LYPD6: variants seen among roughly 807,000 people sequenced by gnomAD.
LYPD6 encodes LY6/PLAUR domain containing 6.
A neutral mutation model predicts 22.7 loss-of-function variants in LYPD6; 15 were observed. The ratio of observed to expected loss-of-function variants is 0.66; its 90% CI spans 0.44 to 1.02. The LOEUF is 1.02. Ranked by LOEUF, LYPD6 falls within the 50% of genes least tolerant of loss-of-function variation. The pLI is 0.00. For synonymous variants in LYPD6, 72 were observed against 77.5 expected (o/e 0.93, Z 0.37); for missense variants, 189 against 208.4 (o/e 0.91, Z 0.57).
In LYPD6 at chr2:149,470,764, T is replaced by A. The variant is rs758192165; in HGVS notation, c.430T>A (p.Ser144Thr). 27 of 1,613,714 alleles carry A rather than the reference T, an allele frequency of 1.7e-5. No homozygotes were observed. The Admixed American group carries it at 4.2e-4, about 25-fold the overall frequency. ...AACTGATGCCACATTTGCCACGACG[T>A]CACCTATAAATCAGACAAATGGGCA... Reference protein sequence around the residue: ...NETDATFATTSPINQTNGHPR... With the variant: ...NETDATFATTTPINQTNGHPR... The change falls in exon 5 of 5, where the codon TCA becomes ACA. Residue 144 changes from serine to threonine, a missense_variant. Coordinates refer to ENST00000334166, the MANE Select transcript of LYPD6 (RefSeq NM_194317.5).
chr2:149,435,165 G>A (rs1391435152), intron 1 of LYPD6, among the ~76,000 whole-genome samples: 1 of 152,188 alleles, frequency 6.6e-6, no homozygotes, highest in Non-Finnish European at 1.5e-5. Flanking sequence ...AAGAAGAGAG[G>A]CCTCAGGAGA....
the LYPD6 span, among the ~76,000 whole-genome samples, chr2:149,484,551 A>ACC: frequency 1.4e-4 from 22 of 152,022 alleles, no homozygotes; most frequent in Admixed American, 1.2e-3. Flanking sequence ...CTCCATAGCT[A>ACC]CCCCCGTAGT....
At chr2:149,363,551 G>A (rs1224078932) in intron 1 of LYPD6, among the ~76,000 whole-genome samples, 2 of 152,146 alleles carry the variant, frequency 1.3e-5, no homozygotes, top group East Asian at 3.9e-4. Flanking sequence ...GTGATATGTC[G>A]TGAAGAAAAT....
At chr2:149,458,383 C>T (rs1681014094) in intron 3 of LYPD6, among the ~76,000 whole-genome samples, 1 of 152,138 alleles carries the variant, frequency 6.6e-6, no homozygotes, top group African/African-American at 2.4e-5. Flanking sequence ...CCCTTCACCG[C>T]CACCCATTGG....
At chr2:149,411,127 C>T (rs76756629) in intron 1 of LYPD6, among the ~76,000 whole-genome samples, 44 of 152,270 alleles carry the variant, frequency 2.9e-4, no homozygotes, top group African/African-American at 1.0e-3. Flanking sequence ...AATGTAGTCT[C>T]AAGCTCCATT....
At chr2:149,462,495 A>G (rs756622660) in intron 3 of LYPD6, among the ~76,000 whole-genome samples, 3 of 151,896 alleles carry the variant, frequency 2.0e-5, no homozygotes, top group East Asian at 3.9e-4. Flanking sequence ...ACAGATTGTT[A>G]TATAGGTTTA....
rs187901245 is a variant in LYPD6 at position 149,471,040 on chromosome 2, G to A, written c.*190G>A. ...CATTGTAGCCATTTTGAGTCTAACC[G>A]AGACTCATCAAAGCCTTCTGTCAGT... On this transcript the variant is annotated 3_prime_UTR_variant, in exon 5 of 5. Transcript: ENST00000334166. The A allele has an allele frequency of 1.8e-5, 9 of 502,354 alleles. No individual in the cohort carries two copies. The highest frequency in any genetic ancestry group is 6.5e-5 in the Admixed American group (2 of 30,818). 31.1% of individuals were successfully genotyped at this position (502,354 alleles called of 1,614,324 possible).
chr2:149,421,688 A>G (rs976960296), intron 1 of LYPD6, among the ~76,000 whole-genome samples: 2 of 152,142 alleles, frequency 1.3e-5, no homozygotes, highest in Non-Finnish European at 2.9e-5. Context: ...TGAATATAAT[A>G]TTTATATTTG....
At chr2:149,400,488 G>T (rs541519823) in intron 1 of LYPD6, among the ~76,000 whole-genome samples, 4 of 152,262 alleles carry the variant, frequency 2.6e-5, no homozygotes, top group South Asian at 2.1e-4. Flanking sequence ...CATGAGAGAC[G>T]AACAAGTATT....
intron 1 of LYPD6, among the ~76,000 whole-genome samples, chr2:149,435,432 C>T (rs748712363): frequency 1.3e-5 from 2 of 152,194 alleles, no homozygotes; most frequent in Non-Finnish European, 2.9e-5. Context: ...AGCCCTGCTA[C>T]GTACAGATTG....
rs79967609 is a variant in LYPD6 at position 149,335,093 on chromosome 2, C to G, written c.-72+4371C>G. Among the ~76,000 whole-genome samples the G allele has an allele frequency of 4.2e-3, 632 of 152,190 alleles. 6 individuals are homozygous for G. Among genetic ancestry groups the G allele is most frequent in the African/African-American group, 0.015 (613 of 41,506 alleles). Reference sequence around the variant, plus strand: ...CCTATGTTACTGATTTATGTATTTACTGTTAATGCAATTTATCATTATCTT... The same window carrying G: ...CCTATGTTACTGATTTATGTATTTAGTGTTAATGCAATTTATCATTATCTT... On this transcript the variant is annotated intron_variant, in intron 1 of 4. Coordinates refer to ENST00000334166, the MANE Select transcript of LYPD6 (RefSeq NM_194317.5).
At chr2:149,391,109 C>T (rs1027395995) in intron 1 of LYPD6, among the ~76,000 whole-genome samples, 3 of 152,114 alleles carry the variant, frequency 2.0e-5, no homozygotes, top group African/African-American at 7.2e-5. Context: ...AATTAGTGAC[C>T]TACTATTGGC....
At chr2:149,386,988 C>T (rs1682201981) in intron 1 of LYPD6, among the ~76,000 whole-genome samples, 1 of 152,168 alleles carries the variant, frequency 6.6e-6, no homozygotes, top group Admixed American at 6.5e-5. Context: ...ACTCTGTCCC[C>T]ACCCCCAACA....
In LYPD6 at chr2:149,370,572, G is replaced by A. The variant is rs187901207; in HGVS notation, c.-72+39850G>A. The A allele has an allele frequency of 4.1e-3, 631 of 152,236 alleles. 13 individuals are homozygous for A. The highest frequency in any genetic ancestry group is 0.026 in the Admixed American group (398 of 15,296). 9.4% of individuals were successfully genotyped at this position (152,236 alleles called of 1,614,324 possible). The stretch of plus-strand genomic sequence containing the variant: ...GCAGAGAACAGCCCTCACCAGACAC[G>A]GAATCTGCTGGTGCCCTGATCTTGG... On this transcript the variant is annotated intron_variant, in intron 1 of 4. Transcript: ENST00000334166.
At chr2:149,372,510 G>C (rs1335723483) in intron 1 of LYPD6, among the ~76,000 whole-genome samples, 1 of 152,094 alleles carries the variant, frequency 6.6e-6, no homozygotes, top group Non-Finnish European at 1.5e-5. Context: ...TGGGGTGTTG[G>C]GTGCATTTCA....
intron 1 of LYPD6, among the ~76,000 whole-genome samples, chr2:149,333,405 A>G (rs62190573): frequency 0.072 from 10,927 of 152,234 alleles, 424 homozygotes; most frequent in East Asian, 0.14. Flanking sequence ...CTCATTTGCA[A>G]TAACGTGGTT....
chr2:149,444,998 A>G (rs1558810571), intron 2 of LYPD6, among the ~76,000 whole-genome samples: 1 of 152,236 alleles, frequency 6.6e-6, no homozygotes, highest in Non-Finnish European at 1.5e-5. Flanking sequence ...GCTTACAAAT[A>G]TATTTCTTAA....
intron 1 of LYPD6, among the ~76,000 whole-genome samples, chr2:149,369,402 G>A (rs976339034): frequency 1.2e-4 from 18 of 152,054 alleles, no homozygotes; most frequent in African/African-American, 4.3e-4. Flanking sequence ...CTCTGTGTGG[G>A]TGACATACCC....
chr2:149,398,323 T>C (rs1682471329), intron 1 of LYPD6, among the ~76,000 whole-genome samples: 1 of 152,144 alleles, frequency 6.6e-6, no homozygotes, highest in African/African-American at 2.4e-5. Context: ...TGCCTTTTCA[T>C]GGGAAGATTT....
Sources: gnomAD v4.1 joint callset for allele counts (sites outside exome capture counted in the v4.1 genomes callset) on GRCh38, gnomAD v4.1.1 for gene constraint, MANE v1.5 for transcripts, NCBI Gene and HGNC (gene_info 2026-07-23, HGNC 2026-07-21) for gene names.